The following DOK6 variants were observed in gnomAD, a reference collection of about 807,000 sequenced individuals.
DOK6 encodes the protein downstream of tyrosine kinase 6.
Under a neutral mutation model 44.0 loss-of-function variants are expected in DOK6, and 22 were observed. The observed-to-expected ratio is 0.50, with a 90% CI of 0.36 to 0.71. The LOEUF is 0.71. Ranked by LOEUF, DOK6 falls within the 30% of genes least tolerant of loss-of-function variation. DOK6 has a pLI of 0.00. For synonymous variants in DOK6, 166 were observed against 145.5 expected (o/e 1.14, Z -1.01); for missense variants, 340 against 416.4 (o/e 0.82, Z 1.60).
At chr18:69,654,343 C>T (rs1985308231) in intron 3 of DOK6, among the ~76,000 whole-genome samples, 3 of 152,166 alleles carry the variant, frequency 2.0e-5, no homozygotes, top group South Asian at 2.1e-4. Flanking sequence ...GAAACAAATC[C>T]GGGTTGCTGT....
At chr18:69,534,888 T>C (rs1982078589) in intron 1 of DOK6, among the ~76,000 whole-genome samples, 1 of 152,132 alleles carries the variant, frequency 6.6e-6, no homozygotes, top group South Asian at 2.1e-4. Flanking sequence ...TCCACTTTGA[T>C]TTTATAAAGA....
intron 1 of DOK6, among the ~76,000 whole-genome samples, chr18:69,484,721 T>C (rs1980525729): frequency 6.6e-6 from 1 of 152,176 alleles, no homozygotes; most frequent in African/African-American, 2.4e-5. Context: ...GCACTGTAAC[T>C]CATGCCTGAG....
At chr18:69,810,932 A>T (rs922462403) in intron 7 of DOK6, among the ~76,000 whole-genome samples, 1 of 152,150 alleles carries the variant, frequency 6.6e-6, no homozygotes, top group Non-Finnish European at 1.5e-5. Context: ...CATAGGGTCC[A>T]GCAATCCCAG....
At chr18:69,648,716 A>G (rs1285775310) in intron 3 of DOK6, among the ~76,000 whole-genome samples, 3 of 152,204 alleles carry the variant, frequency 2.0e-5, no homozygotes, top group Non-Finnish European at 4.4e-5. Flanking sequence ...CTACGTGCCA[A>G]TGCATGCTCT....
chr18:69,744,545 A>G (rs575072704), intron 6 of DOK6, among the ~76,000 whole-genome samples: 1 of 152,288 alleles, frequency 6.6e-6, no homozygotes, highest in African/African-American at 2.4e-5. Flanking sequence ...AAATGTGAAA[A>G]TGGATCTGTG....
intron 4 of DOK6, among the ~76,000 whole-genome samples, chr18:69,679,359 A>C (rs1387611733): frequency 6.6e-6 from 1 of 152,166 alleles, no homozygotes; most frequent in Admixed American, 6.5e-5. Flanking sequence ...TGCTAAAATG[A>C]AAAAAGTTTT....
At chr18:69,841,174 A>G in intron 7 of DOK6, 70 bp from the exon 8 acceptor site, 1 of 1,580,490 alleles carries the variant, frequency 6.3e-7, no homozygotes, top group Non-Finnish European at 8.7e-7. Context: ...TAATAGATAG[A>G]TGATAGATAG....
chr18:69,738,204 TAAAG>T (rs2144737140), intron 5 of DOK6, among the ~76,000 whole-genome samples: 1 of 152,296 alleles, frequency 6.6e-6, no homozygotes, highest in South Asian at 2.1e-4. Context: ...TTTTGGTGCT[TAAAG>T]AAATAGTTAT....
chr18:69,748,966 T>C (rs2144746556), intron 6 of DOK6, among the ~76,000 whole-genome samples: 1 of 152,328 alleles, frequency 6.6e-6, no homozygotes, highest in South Asian at 2.1e-4. Flanking sequence ...CATGAAATAC[T>C]ATGCAGCCAT....
At chr18:69,445,532 T>TG (rs1979260124) in intron 1 of DOK6, among the ~76,000 whole-genome samples, 1 of 152,146 alleles carries the variant, frequency 6.6e-6, no homozygotes, top group Admixed American at 6.6e-5. Flanking sequence ...GATGCTTTTT[T>TG]TGGGGGGGGA....
intron 2 of DOK6, among the ~76,000 whole-genome samples, chr18:69,587,770 A>AACACACACACACACACACACAC (rs138552349): frequency 2.0e-5 from 3 of 149,056 alleles, no homozygotes; most frequent in Non-Finnish European, 3.0e-5. Flanking sequence ...TGTAAATTTA[A>AACACACACACACACACACACAC]ACACACACAC....
intron 3 of DOK6, among the ~76,000 whole-genome samples, chr18:69,652,658 G>A (rs994525761): frequency 2.0e-5 from 3 of 152,122 alleles, no homozygotes; most frequent in Admixed American, 2.0e-4. Flanking sequence ...TCCTTGGTAT[G>A]TTCCCAGATA....
At chr18:69,625,214 A>G (rs948167037) in intron 3 of DOK6, among the ~76,000 whole-genome samples, 2 of 152,180 alleles carry the variant, frequency 1.3e-5, no homozygotes, top group Non-Finnish European at 2.9e-5. Flanking sequence ...TGTCAAGACC[A>G]AATTAAAATT....
At chr18:69,522,045 A>G (rs1254340003) in intron 1 of DOK6, among the ~76,000 whole-genome samples, 4 of 152,042 alleles carry the variant, frequency 2.6e-5, no homozygotes, top group African/African-American at 9.7e-5. Flanking sequence ...TTACTAAATA[A>G]CTAAAAGTTC....
At position 69,848,351 on chromosome 18, in the gene DOK6, G is replaced by T. The variant is rs1437966428; in HGVS notation, c.*6968G>T. ...ACTTTGGACATTAGGCCCTTGTTAAGAAATAAAACACCCATTATAAATTTG... is the reference window on the plus strand; with the variant it reads ...ACTTTGGACATTAGGCCCTTGTTAATAAATAAAACACCCATTATAAATTTG... On this transcript the variant is annotated 3_prime_UTR_variant, in exon 8 of 8. Transcript: ENST00000382713. 6.6e-6 allele frequency: 1 copy of T among 152,054 alleles called. No homozygotes were observed. Among genetic ancestry groups the T allele is most frequent in the Non-Finnish European group, 1.5e-5 (1 of 68,004 alleles). The allele number at this position is 152,054 out of a possible 1,614,324, so 9.4% of individuals were successfully genotyped here.
intron 7 of DOK6, among the ~76,000 whole-genome samples, chr18:69,794,782 T>A (rs1980697033): frequency 6.6e-6 from 1 of 152,254 alleles, no homozygotes; most frequent in East Asian, 1.9e-4. Context: ...CTACCTCCTG[T>A]CAGATCAGCG....
intron 1 of DOK6, among the ~76,000 whole-genome samples, chr18:69,498,304 A>G (rs1359031050): frequency 6.6e-6 from 1 of 152,186 alleles, no homozygotes; most frequent in African/African-American, 2.4e-5. Context: ...ACTTTGTAGT[A>G]TTGAAACAAA....
chr18:69,423,881 T>A (rs531467674), intron 1 of DOK6, among the ~76,000 whole-genome samples: 35 of 152,344 alleles, frequency 2.3e-4, no homozygotes, highest in African/African-American at 6.7e-4. Flanking sequence ...TATAGTTATT[T>A]CAGAAGAAAA....
chr18:69,766,825 A>T lies in DOK6; in HGVS notation c.856+8952A>T, dbSNP rs886218362. Among the ~76,000 whole-genome samples, 6 of 152,300 alleles carry T rather than the reference A, an allele frequency of 3.9e-5. No individual in the cohort carries two copies. In the South Asian group the frequency reaches 1.0e-3, roughly 26 times the overall value. ...CTATGACGTTTCTTTTTTCTGGCAG[A>T]GGCAGATAGGCTGTCCTACTCCTAT... On this transcript the variant is annotated intron_variant, in intron 7 of 7. Coordinates refer to ENST00000382713, the MANE Select transcript of DOK6 (RefSeq NM_152721.6).
Sources: gnomAD v4.1 joint callset for allele counts (sites outside exome capture counted in the v4.1 genomes callset) on GRCh38, gnomAD v4.1.1 for gene constraint, MANE v1.5 for transcripts, NCBI Gene and HGNC (gene_info 2026-07-23, HGNC 2026-07-21) for gene names.